The following ARHGAP42 variants were observed in gnomAD, a reference collection of about 807,000 sequenced individuals.
The protein encoded by ARHGAP42 is Rho GTPase activating protein 42.
ARHGAP42 carries 63 observed loss-of-function variants against 125.0 expected under a neutral mutation model. The ratio of observed to expected loss-of-function variants is 0.50; its 90% confidence interval spans 0.41 to 0.62. ARHGAP42 has a LOEUF of 0.62. Ranked by LOEUF, ARHGAP42 falls within the 20% of genes least tolerant of loss-of-function variation. ARHGAP42 has a pLI of 0.00. For missense variants in ARHGAP42, 766 were observed against 1,024.2 expected (o/e 0.75, Z 3.44); for synonymous variants, 339 against 351.0 (o/e 0.97, Z 0.38).
At position 100,993,806 on chromosome 11, in the gene ARHGAP42, T is replaced by C. The variant is rs907443899; in HGVS notation, c.*5005T>C. On this transcript the variant is annotated 3_prime_UTR_variant, in exon 24 of 24. Coordinates refer to ENST00000298815, the MANE Select transcript of ARHGAP42 (RefSeq NM_152432.4). The stretch of plus-strand genomic sequence containing the variant: ...TCTGTATTTATCTGCACTTTGTGTA[T>C]ATATACACACATACATATGCCAACA... 2.4e-5 allele frequency: 4 copies of C among 167,078 alleles called. No individual in the cohort carries two copies. The highest frequency in any genetic ancestry group is 6.5e-5 in the Admixed American group (1 of 15,288). 10.3% of individuals were successfully genotyped at this position (167,078 alleles called of 1,614,324 possible). A position where few individuals can be genotyped will look rare whatever the true frequency, so the allele number is the denominator to read the frequency against.
chr11:100,974,889 A>G (rs894416994), intron 19 of ARHGAP42, among the ~76,000 whole-genome samples: 5 of 152,112 alleles, frequency 3.3e-5, no homozygotes, highest in Admixed American at 6.5e-5. Context: ...GTTCTGTCCT[A>G]TTGTCAAAGT....
chr11:100,697,418 G>T (rs190056582), intron 1 of ARHGAP42, among the ~76,000 whole-genome samples: 1 of 152,144 alleles, frequency 6.6e-6, no homozygotes, highest in African/African-American at 2.4e-5. Flanking sequence ...TCCTGACCTC[G>T]TGATCCGCCC....
intron 1 of ARHGAP42, among the ~76,000 whole-genome samples, chr11:100,720,683 CT>C (rs11304347): frequency 0.52 from 77,707 of 150,360 alleles, 20,521 homozygotes; most frequent in African/African-American, 0.66. Flanking sequence ...TTGAGATAAC[CT>C]TTTTTTTTTG....
At chr11:100,903,119 A>G (rs12577733) in intron 4 of ARHGAP42, among the ~76,000 whole-genome samples, 1,645 of 86,886 alleles carry the variant, frequency 0.019, 32 homozygotes, top group African/African-American at 0.042. Flanking sequence ...CAAGATGCGC[A>G]CACACACACA....
chr11:100,727,414 G>A (rs1250503317), intron 1 of ARHGAP42, among the ~76,000 whole-genome samples: 1 of 152,128 alleles, frequency 6.6e-6, no homozygotes, highest in African/African-American at 2.4e-5. Context: ...GGAATTTTCT[G>A]GGTGATAGGA....
At chr11:100,715,393 G>T in intron 1 of ARHGAP42, among the ~76,000 whole-genome samples, 1 of 152,016 alleles carries the variant, frequency 6.6e-6, no homozygotes, top group African/African-American at 2.4e-5. Context: ...AACCTAGAGT[G>T]GAATAGTTTC....
intron 3 of ARHGAP42, among the ~76,000 whole-genome samples, chr11:100,817,935 T>C (rs1020295545): frequency 6.6e-6 from 1 of 152,224 alleles, no homozygotes; most frequent in African/African-American, 2.4e-5. Context: ...TCTGTCACAA[T>C]GTTATCAGAG....
At chr11:100,824,297 T>C (rs1856935902) in intron 3 of ARHGAP42, among the ~76,000 whole-genome samples, 1 of 152,148 alleles carries the variant, frequency 6.6e-6, no homozygotes, top group South Asian at 2.1e-4. Context: ...CTCTTGGCCT[T>C]GTTTTTAAGT....
At chr11:100,790,270 A>C (rs1863534723) in intron 2 of ARHGAP42, among the ~76,000 whole-genome samples, 1 of 152,190 alleles carries the variant, frequency 6.6e-6, no homozygotes, top group South Asian at 2.1e-4. Flanking sequence ...CTCACTGTCT[A>C]GGTATGATTC....
chr11:100,859,216 T>G (rs1865389030), intron 3 of ARHGAP42: 1 of 185,608 alleles, frequency 5.4e-6, no homozygotes, highest in Admixed American at 6.2e-5. Context: ...CTGGCTACAT[T>G]AAACCAGTGT....
At chr11:100,812,807 G>A (rs1395858945) in intron 3 of ARHGAP42, among the ~76,000 whole-genome samples, 7 of 152,166 alleles carry the variant, frequency 4.6e-5, no homozygotes, top group East Asian at 1.9e-4. Context: ...TTGATTGGGC[G>A]GGGGGATTAT....
chr11:100,973,143 C>CA, intron 17 of ARHGAP42, 32 bp from the exon 18 acceptor site: 1 of 1,481,400 alleles, frequency 6.8e-7, no homozygotes, highest in Non-Finnish European at 9.0e-7. Flanking sequence ...AAACATATAA[C>CA]TTAAGATATT....
intron 4 of ARHGAP42, 190 bp downstream of exon 4, chr11:100,859,815 A>G (rs1865402448): frequency 2.4e-6 from 1 of 424,754 alleles, no homozygotes; most frequent in African/African-American, 2.1e-5. Flanking sequence ...TATTCTACTG[A>G]GTAGATAAGA....
intron 6 of ARHGAP42, among the ~76,000 whole-genome samples, chr11:100,926,339 A>G (rs1490161988): frequency 1.3e-5 from 2 of 152,234 alleles, no homozygotes; most frequent in Admixed American, 6.5e-5. Flanking sequence ...CTAAAGTGGC[A>G]GATAGGAACT....
chr11:100,964,900 A>G (rs146816689), intron 16 of ARHGAP42, among the ~76,000 whole-genome samples: 9 of 152,142 alleles, frequency 5.9e-5, no homozygotes, highest in African/African-American at 1.9e-4. Context: ...TTGAATCTCT[A>G]GGAGCTCTCT....
intron 3 of ARHGAP42, among the ~76,000 whole-genome samples, chr11:100,845,385 C>CA: frequency 6.6e-6 from 1 of 152,132 alleles, no homozygotes; most frequent in East Asian, 1.9e-4. Context: ...TAAAAGACTA[C>CA]AAACTGGATA....
At chr11:100,788,722 G>A (rs1863493159) in intron 2 of ARHGAP42, among the ~76,000 whole-genome samples, 1 of 152,134 alleles carries the variant, frequency 6.6e-6, no homozygotes, top group Admixed American at 6.5e-5. Context: ...TGGTGGGAGA[G>A]TTGGTGTCAC....
intron 4 of ARHGAP42, among the ~76,000 whole-genome samples, chr11:100,903,133 A>ACGCGCACACACACACACACT (rs1866603399): frequency 4.0e-5 from 6 of 151,268 alleles, no homozygotes; most frequent in African/African-American, 1.5e-4. Context: ...ACACACACAC[A>ACGCGCACACACACACACACT]CACACACACA....
chr11:100,944,997 T>C (rs1378414672), intron 10 of ARHGAP42, among the ~76,000 whole-genome samples: 3 of 152,098 alleles, frequency 2.0e-5, no homozygotes, highest in East Asian at 1.9e-4. Context: ...TTTTACTCAG[T>C]AGGGCGTCTT....
Sources: gnomAD v4.1 joint callset for allele counts (sites outside exome capture counted in the v4.1 genomes callset) on GRCh38, gnomAD v4.1.1 for gene constraint, MANE v1.5 for transcripts, NCBI Gene and HGNC (gene_info 2026-07-23, HGNC 2026-07-21) for gene names.